The following ACOT7 variants were observed in gnomAD, a reference collection of about 807,000 sequenced individuals.
ACOT7 encodes the protein acyl-CoA thioesterase 7, also known as cytosolic acyl coenzyme A thioester hydrolase.
Under a neutral mutation model 40.2 loss-of-function variants are expected in ACOT7, and 12 were observed. The ratio of observed to expected loss-of-function variants is 0.30; its 90% CI spans 0.19 to 0.48. ACOT7 has a LOEUF of 0.48. Among genes scored for constraint, ACOT7 ranks in the 20% least tolerant of loss-of-function variants. The pLI is 0.99. For synonymous variants in ACOT7, 228 were observed against 219.5 expected (o/e 1.04, Z -0.34); for missense variants, 395 against 530.8 (o/e 0.74, Z 2.51).
chr1:6,381,026 C>T (rs1381638642), intron 1 of ACOT7, among the ~76,000 whole-genome samples: 1 of 150,668 alleles, frequency 6.6e-6, no homozygotes, highest in Middle Eastern at 3.2e-3. Flanking sequence ...TCCTAAAACG[C>T]AACAATAAAA....
chr1:6,383,409 G>A (rs1400346272), intron 1 of ACOT7, among the ~76,000 whole-genome samples: 1 of 150,832 alleles, frequency 6.6e-6, no homozygotes, highest in Non-Finnish European at 1.5e-5. Flanking sequence ...GGATGGTCTC[G>A]ATCTCCTGAC....
chr1:6,334,291 C>T (rs189420227), intron 3 of ACOT7, among the ~76,000 whole-genome samples: 74 of 152,342 alleles, frequency 4.9e-4, no homozygotes, highest in African/African-American at 1.7e-3. Context: ...TGCTCAGACA[C>T]GCAACGTCTT....
At chr1:6,291,303 G>A (rs182304425) in intron 7 of ACOT7, among the ~76,000 whole-genome samples, 1 of 152,198 alleles carries the variant, frequency 6.6e-6, no homozygotes, top group East Asian at 1.9e-4. Flanking sequence ...AGACAGAAGA[G>A]GAGAGACACA....
chr1:6,336,409 C>CA (rs1248318207), intron 3 of ACOT7, among the ~76,000 whole-genome samples: 1 of 149,958 alleles, frequency 6.7e-6, no homozygotes, highest in African/African-American at 2.5e-5. Context: ...CAATTCACAG[C>CA]AATCACATCC....
rs1041030168 is a variant in ACOT7, at chr1:6,282,276, G to A, written c.830-990C>T. Among the ~76,000 whole-genome samples the A allele has an allele frequency of 2.6e-5, 4 of 152,176 alleles. No homozygotes were observed. The highest frequency in any genetic ancestry group is 5.9e-5 in the Non-Finnish European group (4 of 68,028). On this transcript the variant is annotated intron_variant, in intron 7 of 8. Coordinates refer to ENST00000361521, the MANE Select transcript of ACOT7 (RefSeq NM_007274.4). The surrounding 1 kb of genome is among the most constrained non-coding windows in gnomAD (Gnocchi z 4.5). ...GCAGGCATGAGACACCCTGCCTGGGGGATAGCTACGGGATGGAAGGACTCA... is the reference window on the plus strand; with the variant it reads ...GCAGGCATGAGACACCCTGCCTGGGAGATAGCTACGGGATGGAAGGACTCA...
chr1:6,276,656 A>G (rs1208950625), intron 8 of ACOT7, among the ~76,000 whole-genome samples: 1 of 152,062 alleles, frequency 6.6e-6, no homozygotes, highest in Non-Finnish European at 1.5e-5. Context: ...CGGAACGCAC[A>G]TGCAGGTTCA....
At chr1:6,371,099 G>A (rs750671111) in intron 1 of ACOT7, among the ~76,000 whole-genome samples, 7 of 152,170 alleles carry the variant, frequency 4.6e-5, no homozygotes, top group South Asian at 2.1e-4. Flanking sequence ...GTGAGCCACC[G>A]CACCCGGCCT....
chr1:6,280,680 C>T (rs926730172), intron 8 of ACOT7, among the ~76,000 whole-genome samples: 3 of 152,216 alleles, frequency 2.0e-5, no homozygotes, highest in African/African-American at 7.2e-5. Context: ...GCAGGCCCTT[C>T]AGCAGAGGAT....
intron 1 of ACOT7, among the ~76,000 whole-genome samples, chr1:6,350,889 A>T (rs1641571742): frequency 6.6e-6 from 1 of 152,188 alleles, no homozygotes; most frequent in Admixed American, 6.5e-5. Flanking sequence ...AAGCTGTCAG[A>T]ACCCTCAATC....
chr1:6,296,493 C>T (rs1027936957), intron 6 of ACOT7, among the ~76,000 whole-genome samples: 3 of 152,122 alleles, frequency 2.0e-5, no homozygotes, highest in Admixed American at 2.0e-4. Flanking sequence ...GCGCGATCTC[C>T]GCTCACCGCA....
rs963218142 is a variant in ACOT7 at position 6,306,514 on chromosome 1, G to A, written c.713-11534C>T. The A allele has an allele frequency of 4.1e-6, 4 of 985,280 alleles. No individual in the cohort carries two copies. In the Admixed American group the frequency reaches 1.8e-4, roughly 45 times the overall value. The allele number at this position is 985,280 out of a possible 1,614,324, so 61.0% of individuals were successfully genotyped here. On this transcript the variant is annotated intron_variant, in intron 6 of 8. Coordinates refer to ENST00000361521, the MANE Select transcript of ACOT7 (RefSeq NM_007274.4). This position sits in a 1 kb window ranked among gnomAD's most constrained non-coding sequence, Gnocchi z 4.3. ...AGTCCCCACGTCCCGCTCCCCCGCT[G>A]AAGCATCAGGATGGACGTGAAGCTG... is the stretch of plus-strand genomic sequence containing the variant.
At chr1:6,271,054 G>T (rs531188071) in intron 8 of ACOT7, among the ~76,000 whole-genome samples, 75 of 152,228 alleles carry the variant, frequency 4.9e-4, no homozygotes, top group African/African-American at 1.6e-3. Context: ...TGGCTGCCTG[G>T]GCCTGGGGTC....
At chr1:6,354,683 GCCC>G in intron 1 of ACOT7, among the ~76,000 whole-genome samples, 1 of 71,010 alleles carries the variant, frequency 1.4e-5, no homozygotes, top group African/African-American at 6.0e-5. Context: ...CTGGCCTCTA[GCCC>G]CCCCATGGCC....
chr1:6,354,207 T>C (rs1641674527), intron 1 of ACOT7, among the ~76,000 whole-genome samples: 1 of 151,824 alleles, frequency 6.6e-6, no homozygotes, highest in African/African-American at 2.4e-5. Context: ...TGACAAGGGC[T>C]CTGAGGAAGC....
chr1:6,344,742 C>A (rs1337196547), intron 2 of ACOT7, among the ~76,000 whole-genome samples: 78 of 120,020 alleles, frequency 6.5e-4, no homozygotes, highest in African/African-American at 2.2e-3. Flanking sequence ...CCAGCCTGGG[C>A]GACAGAGCAA....
chr1:6,291,398 C>G (rs899548767), intron 7 of ACOT7, among the ~76,000 whole-genome samples: 1 of 152,072 alleles, frequency 6.6e-6, no homozygotes, highest in Non-Finnish European at 1.5e-5. Flanking sequence ...GCTGCTGCTC[C>G]CAGAAGCTGG....
In ACOT7 at chr1:6,351,311, C is replaced by T. The variant is rs139207439; in HGVS notation, c.144-1445G>A. On this transcript the variant is annotated intron_variant, in intron 1 of 8. Coordinates refer to ENST00000361521, the MANE Select transcript of ACOT7 (RefSeq NM_007274.4). The stretch of plus-strand genomic sequence containing the variant: ...CAGGGACAGTTGCCTGTGGAGCGGC[C>T]GGCACGGCGTGACACAGTGGCCGGG... Among the ~76,000 whole-genome samples the T allele has an allele frequency of 1.7e-3, 256 of 152,346 alleles. 1 individual carries two copies. The highest frequency in any genetic ancestry group is 6.0e-3 in the African/African-American group (251 of 41,588).
chr1:6,311,984 A>T lies in ACOT7; in HGVS notation c.712+6508T>A, dbSNP rs547999019. Among the ~76,000 whole-genome samples the T allele has an allele frequency of 2.0e-5, 3 of 152,310 alleles. No homozygotes were observed. Among genetic ancestry groups the T allele is most frequent in the African/African-American group, 7.2e-5 (3 of 41,572 alleles). ...CAAGTGACCTTAATAGGCAGCAGAG[A>T]CGAGGTCACAGATCCAACCTCTCAG... On this transcript the variant is annotated intron_variant, in intron 6 of 8. Transcript: ENST00000361521. The surrounding 1 kb of genome is among the most constrained non-coding windows in gnomAD (Gnocchi z 5.2).
Position 6,282,565 on chromosome 1 carries a change from G to A in ACOT7, c.830-1279C>T, listed in dbSNP as rs976354994. 2.6e-5 allele frequency among the ~76,000 whole-genome samples: 4 copies of A among 152,120 alleles called. No homozygotes were observed. Among genetic ancestry groups the A allele is most frequent in the African/African-American group, 9.7e-5 (4 of 41,430 alleles). ...CTCTGGAACCCCCAGTGTCCTAGCT[G>A]CACCGAGACCAGCCTCACAAGGCAG... On this transcript the variant is annotated intron_variant, in intron 7 of 8. Coordinates refer to ENST00000361521, the MANE Select transcript of ACOT7 (RefSeq NM_007274.4). This position sits in a 1 kb window ranked among gnomAD's most constrained non-coding sequence, Gnocchi z 4.5.
Sources: gnomAD v4.1 joint callset for allele counts (sites outside exome capture counted in the v4.1 genomes callset) on GRCh38, gnomAD v4.1.1 for gene constraint, Gnocchi (gnomAD v3.1) non-coding constraint, MANE v1.5 for transcripts, NCBI Gene and HGNC (gene_info 2026-07-23, HGNC 2026-07-21) for gene names.